NPAS3: variants seen among roughly 807,000 people sequenced by gnomAD.
NPAS3 encodes the protein neuronal PAS domain-containing protein 3.
NPAS3 carries 14 observed loss-of-function variants against 73.1 expected under a neutral mutation model. That is an observed-to-expected ratio of 0.19 (90% CI 0.13 to 0.30). The LOEUF (loss-of-function observed/expected upper bound fraction) is 0.30, where lower values mean the gene tolerates loss of function less well. Among genes scored for constraint, NPAS3 ranks in the 10% least tolerant of loss-of-function variants. The pLI, the probability that NPAS3 is intolerant of heterozygous loss-of-function variation, is 1.00. For missense variants in NPAS3, 1,096 were observed against 1,250.0 expected, an observed-to-expected ratio of 0.88 and a Z score of 1.86; for synonymous variants, 620 against 541.5, an observed-to-expected ratio of 1.14 and a Z score of -2.01.
At chr14:33,412,419 C>T (rs1038422696) in intron 4 of NPAS3, among the ~76,000 whole-genome samples, 3 of 152,150 alleles carry the variant, frequency 2.0e-5, no homozygotes, top group Admixed American at 6.6e-5. Flanking sequence ...TACACCTGGC[C>T]GGATTTTATT....
chr14:33,771,020 A>C (rs2062633706), intron 7 of NPAS3, among the ~76,000 whole-genome samples: 1 of 152,232 alleles, frequency 6.6e-6, no homozygotes, highest in African/African-American at 2.4e-5. Flanking sequence ...TTAGTATCAC[A>C]GTTGTGCGGC....
chr14:33,629,247 A>G (rs1001326963), intron 5 of NPAS3, among the ~76,000 whole-genome samples: 4 of 151,646 alleles, frequency 2.6e-5, no homozygotes, highest in South Asian at 2.1e-4. Flanking sequence ...AAAAAAAAAA[A>G]AAAGAAAACC....
intron 3 of NPAS3, among the ~76,000 whole-genome samples, chr14:33,284,790 ATCTATCTATCTATC>A (rs2041803156): frequency 7.1e-6 from 1 of 140,686 alleles, no homozygotes; most frequent in Admixed American, 6.9e-5. Flanking sequence ...CTATCTATCT[ATCTATCTATCTATC>A]TATCTATCTA....
At chr14:33,247,488 A>C (rs2048433648) in intron 3 of NPAS3, among the ~76,000 whole-genome samples, 1 of 152,210 alleles carries the variant, frequency 6.6e-6, no homozygotes, top group Non-Finnish European at 1.5e-5. Context: ...TTGCCTTAAA[A>C]ACTGCCACAG....
At chr14:33,277,307 C>T (rs9635190) in intron 3 of NPAS3, among the ~76,000 whole-genome samples, 8,726 of 152,142 alleles carry the variant, frequency 0.057, 706 homozygotes, top group East Asian at 0.31. Context: ...CCAGCTCTGG[C>T]ACTGATTAAC....
chr14:33,725,355 C>A (rs995540675), intron 6 of NPAS3, among the ~76,000 whole-genome samples: 2 of 152,052 alleles, frequency 1.3e-5, no homozygotes, highest in African/African-American at 4.8e-5. Context: ...TAGGCAGACA[C>A]AGGTTTTATC....
intron 1 of NPAS3, among the ~76,000 whole-genome samples, chr14:33,050,285 AAT>A (rs2040658359): frequency 6.6e-6 from 1 of 152,108 alleles, no homozygotes; most frequent in Admixed American, 6.6e-5. Flanking sequence ...TTTAAGCTGG[AAT>A]CTATTTTCTT....
chr14:33,356,216 C>G (rs1304816174), intron 3 of NPAS3, among the ~76,000 whole-genome samples: 1 of 152,206 alleles, frequency 6.6e-6, no homozygotes, highest in East Asian at 1.9e-4. Flanking sequence ...AGAAGCAAGA[C>G]AGCTGGAAAA....
chr14:33,636,125 A>T (rs117524357), intron 5 of NPAS3, among the ~76,000 whole-genome samples: 1 of 152,072 alleles, frequency 6.6e-6, no homozygotes, highest in Non-Finnish European at 1.5e-5. Context: ...TCTCCACGTT[A>T]GTCAGGCTGG....
rs549598138 is a variant in NPAS3, at chr14:32,943,885, T to A, written c.50+4519T>A. ...TGTATTTTTAGTAGAGATAGGGGTT[T>A]CACCATGTTGGCCAGGCTGGTCTCA... On this transcript the variant is annotated intron_variant, in intron 1 of 11. Coordinates refer to ENST00000356141, the Ensembl canonical transcript of NPAS3. 9.2e-5 allele frequency among the ~76,000 whole-genome samples: 14 copies of A among 152,250 alleles called. No individual in the cohort carries two copies. In the East Asian group the frequency reaches 1.7e-3, roughly 19 times the overall value.
At chr14:33,478,199 A>G (rs1319920419) in intron 4 of NPAS3, among the ~76,000 whole-genome samples, 1 of 152,294 alleles carries the variant, frequency 6.6e-6, no homozygotes, top group African/African-American at 2.4e-5. Flanking sequence ...GTGTATATTC[A>G]TGGATTTTGC....
chr14:33,361,295 T>C (rs1331740486), intron 3 of NPAS3, among the ~76,000 whole-genome samples: 2 of 152,196 alleles, frequency 1.3e-5, no homozygotes, highest in Non-Finnish European at 2.9e-5. Context: ...TGGTTGCCGT[T>C]TCACATTTAG....
At chr14:33,555,896 CTGTG>C (rs60426737) in intron 4 of NPAS3, among the ~76,000 whole-genome samples, 135 of 151,336 alleles carry the variant, frequency 8.9e-4, no homozygotes, top group African/African-American at 2.9e-3. Context: ...GTTGGTGTGT[CTGTG>C]TGTGTGTGTG....
intron 4 of NPAS3, among the ~76,000 whole-genome samples, chr14:33,543,424 T>C (rs1454226580): frequency 2.6e-5 from 4 of 152,244 alleles, no homozygotes; most frequent in Non-Finnish European, 5.9e-5. Flanking sequence ...TTATAGATTT[T>C]ATATCAGTCC....
intron 1 of NPAS3, among the ~76,000 whole-genome samples, chr14:32,968,438 A>G (rs530750122): frequency 6.6e-6 from 1 of 152,314 alleles, no homozygotes; most frequent in African/African-American, 2.4e-5. Context: ...AAATGTTTTG[A>G]TTTGAACTAT....
chr14:32,982,606 T>C (rs1242455973), intron 1 of NPAS3, among the ~76,000 whole-genome samples: 1 of 152,188 alleles, frequency 6.6e-6, no homozygotes, highest in Non-Finnish European at 1.5e-5. Context: ...TAGTCCATGC[T>C]CTTACTTCTG....
intron 1 of NPAS3, among the ~76,000 whole-genome samples, chr14:32,943,461 T>C (rs546556319): frequency 2.4e-4 from 37 of 152,268 alleles, no homozygotes; most frequent in African/African-American, 7.7e-4. Flanking sequence ...CCAGAATACT[T>C]ATGAACCACC....
rs549836915 is a variant in NPAS3, at chr14:33,157,840, T to A, written c.141-57342T>A. On this transcript the variant is annotated intron_variant, in intron 2 of 11. Coordinates refer to ENST00000356141, the Ensembl canonical transcript of NPAS3. ...GCTACTTAGTATCCCTGGGCTTCAG[T>A]CATCTCATCTGTGAGATGGGGATGT... Among the ~76,000 whole-genome samples the A allele has an allele frequency of 4.9e-4, 75 of 152,182 alleles. 1 individual carries two copies. The highest frequency in any genetic ancestry group is 7.9e-4 in the Non-Finnish European group (54 of 68,032).
At chr14:33,124,251 C>A (rs10137028) in intron 2 of NPAS3, among the ~76,000 whole-genome samples, 67,670 of 151,848 alleles carry the variant, frequency 0.45, 15,768 homozygotes, top group African/African-American at 0.56. Flanking sequence ...AGAGTAGATG[C>A]TTGGAGTGAA....
Sources: allele counts gnomAD v4.1 joint callset (sites outside exome capture counted in the v4.1 genomes callset), GRCh38; gene constraint gnomAD v4.1.1; transcripts MANE v1.5; gene names NCBI Gene and HGNC (gene_info 2026-07-23, HGNC 2026-07-21).